Variants in BIRC6 observed in about 807,000 individuals in gnomAD.
BIRC6 encodes dual E2 ubiquitin-conjugating enzyme/E3 ubiquitin-protein ligase BIRC6.
BIRC6 carries 98 observed loss-of-function variants against 503.3 expected under a neutral mutation model. The ratio of observed to expected loss-of-function variants is 0.19; its 90% CI spans 0.17 to 0.23. BIRC6 has a LOEUF of 0.23. Ranked by LOEUF, BIRC6 falls within the 10% of genes least tolerant of loss-of-function variation. The pLI is 1.00. For missense variants in BIRC6, 5,360 were observed against 5,806.0 expected, an observed-to-expected ratio of 0.92 and a Z score of 2.50; for synonymous variants, 2,240 against 2,078.7, an observed-to-expected ratio of 1.08 and a Z score of -2.11.
intron 45 of BIRC6, among the ~76,000 whole-genome samples, chr2:32,496,806 A>G (rs1340939509): frequency 2.6e-5 from 4 of 152,086 alleles, no homozygotes; most frequent in African/African-American, 7.2e-5. Context: ...GTTTGGCCAT[A>G]TTGTCAGAGA....
chr2:32,366,019 G>A lies in BIRC6; in HGVS notation c.325+8533G>A, dbSNP rs1236964183. Among the ~76,000 whole-genome samples the A allele has an allele frequency of 2.0e-5, 3 of 152,014 alleles. No homozygotes were observed. The East Asian group carries it at 5.8e-4, about 29-fold the overall frequency. On this transcript the variant is annotated intron_variant, in intron 1 of 73. Coordinates refer to ENST00000421745, the MANE Select transcript of BIRC6 (RefSeq NM_016252.4). Reference sequence around the variant, plus strand: ...CCTGTCTCAGCCTCCCAAGTAGCTGGGATTACAGGCACGTGCCACCATGCC... The same window carrying A: ...CCTGTCTCAGCCTCCCAAGTAGCTGAGATTACAGGCACGTGCCACCATGCC...
rs373463252 is a variant in BIRC6 at position 32,607,137 on chromosome 2, G to A, written c.14071-318G>A. Among the ~76,000 whole-genome samples the A allele has an allele frequency of 4.1e-4, 61 of 150,078 alleles. No individual in the cohort carries two copies. The East Asian group carries it at 7.6e-3, about 19-fold the overall frequency. ...AAAAAATAAACTAAACTAAAAAAACGAAATTTTTTTAGCATTTTTTGGAAA... is the reference window on the plus strand; with the variant it reads ...AAAAAATAAACTAAACTAAAAAAACAAAATTTTTTTAGCATTTTTTGGAAA... On this transcript the variant is annotated intron_variant, in intron 71 of 73. Coordinates refer to ENST00000421745, the MANE Select transcript of BIRC6 (RefSeq NM_016252.4).
At chr2:32,437,956 TA>T (rs2044918969) in intron 15 of BIRC6, among the ~76,000 whole-genome samples, 2 of 152,216 alleles carry the variant, frequency 1.3e-5, no homozygotes, top group South Asian at 4.1e-4. Context: ...TTGGTGTTTT[TA>T]AAAATTTTTT....
Position 32,471,122 on chromosome 2 carries a change from A to T in BIRC6, c.6590A>T (p.Asn2197Ile). The T allele has an allele frequency of 6.4e-7, 1 of 1,564,280 alleles. No individual in the cohort carries two copies. The highest frequency in any genetic ancestry group is 8.7e-7 in the Non-Finnish European group (1 of 1,152,418). ...DEAAAAKKPLNGNQWSFINNN... is the reference protein window; with the variant it reads ...DEAAAAKKPLIGNQWSFINNN... The stretch of plus-strand genomic sequence containing the variant: ...GCAGCAGCTGCAAAGAAACCTTTGA[A>T]TGGTAAAGACAGGGAGAGGTTTCTG... Residue 2197 changes from asparagine to isoleucine, a missense_variant and splice_region_variant, in exon 32 of 74, where the codon AAT becomes ATT. Transcript: ENST00000421745.
At chr2:32,464,997 T>C (rs893961876) in intron 25 of BIRC6, 68 bp from the exon 26 acceptor site, 4 of 1,318,932 alleles carry the variant, frequency 3.0e-6, no homozygotes, top group Non-Finnish European at 2.1e-6. Flanking sequence ...GCTATTATGG[T>C]TAGTAGTTTT....
chr2:32,585,395 T>C (rs1030649631), intron 66 of BIRC6, among the ~76,000 whole-genome samples: 8 of 152,108 alleles, frequency 5.3e-5, no homozygotes, highest in Non-Finnish European at 1.2e-4. Context: ...TTTTTTTTTT[T>C]TTGAGACAAA....
intron 37 of BIRC6, among the ~76,000 whole-genome samples, chr2:32,481,010 T>G (rs1044543304): frequency 1.3e-5 from 2 of 152,144 alleles, no homozygotes; most frequent in African/African-American, 2.4e-5. Context: ...TTACCTGTAA[T>G]AATGAATTAC....
chr2:32,511,885 A>G (rs1015848574), intron 53 of BIRC6, among the ~76,000 whole-genome samples: 1 of 152,150 alleles, frequency 6.6e-6, no homozygotes, highest in African/African-American at 2.4e-5. Flanking sequence ...GTGAATAACA[A>G]TTTGTGCCAA....
intron 1 of BIRC6, among the ~76,000 whole-genome samples, chr2:32,374,629 C>T (rs1157108041): frequency 2.0e-5 from 3 of 151,920 alleles, no homozygotes; most frequent in East Asian, 1.9e-4. Context: ...CCCGCCACCA[C>T]GCCCGGCTAA....
At position 32,464,330 on chromosome 2, in the gene BIRC6, T is replaced by C. The variant is rs183074672; in HGVS notation, c.4942-179T>C. 2.0e-5 allele frequency among the ~76,000 whole-genome samples: 3 copies of C among 152,344 alleles called. No homozygotes were observed. The East Asian group carries it at 5.8e-4, about 29-fold the overall frequency. ...CACAGGAAATTTTGTGTTAAACATT[T>C]AAAGTGTATATAGCAAAGCAATGAT... On this transcript the variant is annotated intron_variant, in intron 24 of 73. Transcript: ENST00000421745.
chr2:32,516,863 A>G (rs565415213), intron 55 of BIRC6, among the ~76,000 whole-genome samples: 1 of 152,234 alleles, frequency 6.6e-6, no homozygotes, highest in African/African-American at 2.4e-5. Context: ...AGACAGTTAA[A>G]TATTTTAATT....
At chr2:32,559,062 G>A (rs139361534) in intron 65 of BIRC6, among the ~76,000 whole-genome samples, 1 of 152,220 alleles carries the variant, frequency 6.6e-6, no homozygotes, top group East Asian at 1.9e-4. Context: ...CCATTGAAAT[G>A]TTTTAGTTCC....
intron 65 of BIRC6, among the ~76,000 whole-genome samples, chr2:32,568,627 T>TGA (rs2059702054): frequency 6.6e-6 from 1 of 152,060 alleles, no homozygotes; most frequent in Non-Finnish European, 1.5e-5. Flanking sequence ...GGCAGTCACT[T>TGA]GAGATCTGTA....
At chr2:32,393,585 C>T (rs916705464) in intron 5 of BIRC6, among the ~76,000 whole-genome samples, 22 of 152,272 alleles carry the variant, frequency 1.4e-4, no homozygotes, top group African/African-American at 4.8e-4. Flanking sequence ...GATCACAGCT[C>T]ACTGTGCCAC....
At chr2:32,543,636 A>G (rs1322583984) in intron 62 of BIRC6, 95 bp downstream of exon 62, 2 of 1,236,186 alleles carry the variant, frequency 1.6e-6, no homozygotes, top group East Asian at 2.5e-5. Context: ...TATTTCCTTC[A>G]TAGTTAAGCT....
chr2:32,373,108 C>T (rs1457842064), intron 1 of BIRC6, among the ~76,000 whole-genome samples: 1 of 152,174 alleles, frequency 6.6e-6, no homozygotes, highest in African/African-American at 2.4e-5. Flanking sequence ...GAACTTCATA[C>T]TATCTTTATA....
At chr2:32,400,322 T>TTCTGCTTTCA (rs1294554458) in intron 6 of BIRC6, among the ~76,000 whole-genome samples, 3 of 151,600 alleles carry the variant, frequency 2.0e-5, no homozygotes, top group Non-Finnish European at 4.4e-5. Context: ...CTAGAGATCT[T>TTCTGCTTTCA]TCTGCTTTCA....
intron 43 of BIRC6, 71 bp downstream of exon 43, chr2:32,490,222 C>A: frequency 7.6e-7 from 1 of 1,316,900 alleles, no homozygotes; most frequent in Non-Finnish European, 1.1e-6. Context: ...ATTCTTAAAA[C>A]AGAGTTTTCC....
At chr2:32,496,026 A>G (rs1028469121) in intron 45 of BIRC6, among the ~76,000 whole-genome samples, 1 of 151,796 alleles carries the variant, frequency 6.6e-6, no homozygotes, top group Non-Finnish European at 1.5e-5. Flanking sequence ...TAGTTTTAGT[A>G]GAGACGGGGT....
Sources: allele counts gnomAD v4.1 joint callset (sites outside exome capture counted in the v4.1 genomes callset), GRCh38; gene constraint gnomAD v4.1.1; transcripts MANE v1.5; gene names NCBI Gene and HGNC (gene_info 2026-07-23, HGNC 2026-07-21).